MSTO1: variants seen among roughly 807,000 people sequenced by gnomAD.
MSTO1 encodes the protein protein misato homolog 1.
Under a neutral mutation model 55.7 loss-of-function variants are expected in MSTO1, and 24 were observed. The ratio of observed to expected loss-of-function variants is 0.43; its 90% CI spans 0.31 to 0.61. The LOEUF (loss-of-function observed/expected upper bound fraction) is 0.61, where lower values mean the gene tolerates loss of function less well. Ranked by LOEUF, MSTO1 falls within the 20% of genes least tolerant of loss-of-function variation. The pLI, the probability that MSTO1 is intolerant of heterozygous loss-of-function variation, is 0.09. For missense variants in MSTO1, 363 were observed against 625.7 expected (o/e 0.58, Z 4.48); for synonymous variants, 162 against 252.8 (o/e 0.64, Z 3.41).
chr1:155,598,936 C>G, the MSTO1 span: 2 of 1,328,320 alleles, frequency 1.5e-6, no homozygotes, highest in Non-Finnish European at 2.1e-6. Flanking sequence ...CCTGTCTTGT[C>G]TTCTCTCTGT....
the MSTO1 span, among the ~76,000 whole-genome samples, chr1:155,572,897 G>A: frequency 9.2e-5 from 14 of 152,072 alleles, no homozygotes; most frequent in South Asian, 6.2e-4. Context: ...CGATCCACCC[G>A]CCCTGGCCTC....
the MSTO1 span, among the ~76,000 whole-genome samples, chr1:155,572,197 A>G: frequency 6.2e-4 from 94 of 152,258 alleles, no homozygotes; most frequent in African/African-American, 2.3e-3. Context: ...CTTTAGCAAC[A>G]TACCTGGCCT....
At chr1:155,597,038 C>T in the MSTO1 span, among the ~76,000 whole-genome samples, 1 of 151,858 alleles carries the variant, frequency 6.6e-6, no homozygotes, top group South Asian at 2.1e-4. Context: ...GCCTGGGAAG[C>T]CAAGGCCTCA....
At chr1:155,607,237 C>T (rs1288200919), upstream of MSTO1, among the ~76,000 whole-genome samples, 8 of 152,116 alleles carry the variant, frequency 5.3e-5, no homozygotes, top group South Asian at 8.3e-4. Flanking sequence ...TGCTATGGCG[C>T]GATCTTGGCT....
chr1:155,588,226 A>AG, the MSTO1 span, among the ~76,000 whole-genome samples: 1 of 141,870 alleles, frequency 7.0e-6, no homozygotes, highest in African/African-American at 2.6e-5. Flanking sequence ...AAAAAAAAAA[A>AG]GTTGCCAATT....
At chr1:155,575,270 A>T in the MSTO1 span, among the ~76,000 whole-genome samples, 1 of 151,560 alleles carries the variant, frequency 6.6e-6, no homozygotes, top group African/African-American at 2.4e-5. Context: ...TCCAACACAT[A>T]TCATTGTCAG....
At chr1:155,592,668 C>T in the MSTO1 span, among the ~76,000 whole-genome samples, 5 of 151,832 alleles carry the variant, frequency 3.3e-5, no homozygotes, top group Non-Finnish European at 7.4e-5. Context: ...ATTCTTGTGC[C>T]TCAGACACCT....
At chr1:155,584,670 CAA>C in the MSTO1 span, among the ~76,000 whole-genome samples, 405 of 72,836 alleles carry the variant, frequency 5.6e-3, 3 homozygotes, top group African/African-American at 0.022. Context: ...GAGCTTGTCT[CAA>C]AAAAAAAAAA....
chr1:155,563,447 C>T, the MSTO1 span: 7 of 456,712 alleles, frequency 1.5e-5, no homozygotes, highest in South Asian at 1.1e-4. Context: ...GGGATTCCTC[C>T]CGGGCGTTGA....
At chr1:155,611,485 G>A in intron 4 of MSTO1, 64 bp from the exon 5 acceptor site, 1 of 1,613,880 alleles carries the variant, frequency 6.2e-7, no homozygotes, top group Non-Finnish European at 8.5e-7. Context: ...ACTCAAGGAG[G>A]ACGAAGCAAC....
chr1:155,603,424 A>G, the MSTO1 span, among the ~76,000 whole-genome samples: 1 of 152,130 alleles, frequency 6.6e-6, no homozygotes, highest in Non-Finnish European at 1.5e-5. Flanking sequence ...AAGAAAACAA[A>G]AATTACAAAA....
chr1:155,563,691 C>T, the MSTO1 span: 9 of 387,758 alleles, frequency 2.3e-5, no homozygotes, highest in Admixed American at 2.6e-4. Flanking sequence ...CCCTTTTCTT[C>T]CTTCAGCAAG....
the MSTO1 span, among the ~76,000 whole-genome samples, chr1:155,593,349 C>T: frequency 6.6e-6 from 1 of 152,186 alleles, no homozygotes; most frequent in African/African-American, 2.4e-5. Context: ...TGAATGAAAT[C>T]TGATTCCTTC....
chr1:155,604,773 G>A, the MSTO1 span, among the ~76,000 whole-genome samples: 13 of 152,314 alleles, frequency 8.5e-5, no homozygotes, highest in Admixed American at 2.6e-4. Context: ...TACTTGGGGG[G>A]CTGAGGTGGG....
At chr1:155,572,216 T>G in the MSTO1 span, among the ~76,000 whole-genome samples, 2 of 152,120 alleles carry the variant, frequency 1.3e-5, no homozygotes, top group African/African-American at 4.8e-5. Context: ...CTCTACTCAC[T>G]CGATGCCAAT....
rs1674125858 is a variant in MSTO1, at chr1:155,611,813, G to A, written c.546G>A (p.Lys182=). The part of the protein sequence containing the change: ...LHPRSICMIQ[K]YNHDGEAGRL... ...CCCGGAGCATCTGTATGATTCAGAA[G>A]TACAACCACGATGGGTATGGGGACC... is the stretch of plus-strand genomic sequence containing the variant. Residue 182 remains lysine (K), a synonymous_variant, in exon 6 of 14, where the codon AAG becomes AAA. Coordinates refer to ENST00000245564, the MANE Select transcript of MSTO1 (RefSeq NM_018116.4). The A allele has an allele frequency of 7.6e-6, 5 of 657,246 alleles. No homozygotes were observed. In the East Asian group the frequency reaches 1.4e-4, roughly 19 times the overall value. 40.7% of individuals were successfully genotyped at this position (657,246 alleles called of 1,614,324 possible).
At chr1:155,579,309 A>G in the MSTO1 span, among the ~76,000 whole-genome samples, 3 of 149,878 alleles carry the variant, frequency 2.0e-5, no homozygotes, top group Non-Finnish European at 4.5e-5. Context: ...GTGAAACTCC[A>G]TCTCAAAACA....
chr1:155,579,719 A>G, the MSTO1 span, among the ~76,000 whole-genome samples: 378 of 152,318 alleles, frequency 2.5e-3, no homozygotes, highest in Non-Finnish European at 4.2e-3. Flanking sequence ...AAAAATATTC[A>G]GTGATTAATA....
the MSTO1 span, among the ~76,000 whole-genome samples, chr1:155,576,568 G>A: frequency 1.3e-5 from 2 of 151,218 alleles, no homozygotes; most frequent in Non-Finnish European, 3.0e-5. Context: ...CTTGTGATCC[G>A]CCCACCTCAG....
Sources: gnomAD v4.1 joint callset for allele counts (sites outside exome capture counted in the v4.1 genomes callset) on GRCh38, gnomAD v4.1.1 for gene constraint, MANE v1.5 for transcripts, NCBI Gene and HGNC (gene_info 2026-07-23, HGNC 2026-07-21) for gene names.